Variants in BRWD1 observed in about 807,000 individuals in gnomAD.
The protein encoded by BRWD1 is bromodomain and WD repeat-containing protein 1.
BRWD1 carries 82 observed loss-of-function variants against 251.2 expected under a neutral mutation model. The ratio of observed to expected loss-of-function variants is 0.33; its 90% CI spans 0.27 to 0.39. The LOEUF is 0.39. Ranked by LOEUF, BRWD1 falls within the 10% of genes least tolerant of loss-of-function variation. The probability of loss-of-function intolerance (pLI) is 1.00; values close to 1 mark genes in which losing one functional copy is unlikely to be tolerated. For synonymous variants in BRWD1, 918 were observed against 902.8 expected, an observed-to-expected ratio of 1.02 and a Z score of -0.30; for missense variants, 2,233 against 2,711.6, an observed-to-expected ratio of 0.82 and a Z score of 3.92.
intron 4 of BRWD1, among the ~76,000 whole-genome samples, chr21:39,311,213 G>A (rs2036472365): frequency 1.3e-5 from 2 of 151,894 alleles, no homozygotes; most frequent in Admixed American, 1.3e-4. Flanking sequence ...CATCTCCCAG[G>A]CTGGAATGCA....
intron 19 of BRWD1, among the ~76,000 whole-genome samples, chr21:39,252,743 G>T (rs958206351): frequency 6.6e-6 from 1 of 152,082 alleles, no homozygotes; most frequent in South Asian, 2.1e-4. Flanking sequence ...CAGGTTCTTT[G>T]CTGCTCTAAA....
chr21:39,274,946 A>G (rs992706263), intron 12 of BRWD1, among the ~76,000 whole-genome samples: 2 of 152,180 alleles, frequency 1.3e-5, no homozygotes, highest in African/African-American at 4.8e-5. Flanking sequence ...AGGCTAAGAC[A>G]GGAGAATCGC....
In BRWD1 at chr21:39,195,859, G is replaced by GT. The variant is rs1601232330; in HGVS notation, c.*399dup. 1 of 989,756 alleles carries GT rather than the reference G, an allele frequency of 1.0e-6. No individual in the cohort carries two copies. Among genetic ancestry groups the GT allele is most frequent in the Non-Finnish European group, 1.2e-6 (1 of 832,992 alleles). The allele number at this position is 989,756 out of a possible 1,614,324, so 61.3% of individuals were successfully genotyped here. ...TGTAAACATAGGTTGTGAAATTGTTGTAACTACTATAGAACAGGGGTTAGA... is the reference window on the plus strand; with the variant it reads ...TGTAAACATAGGTTGTGAAATTGTTGTTAACTACTATAGAACAGGGGTTAGA... On this transcript the variant is annotated 3_prime_UTR_variant, in exon 41 of 41. Coordinates refer to ENST00000342449, the MANE Select transcript of BRWD1 (RefSeq NM_033656.4).
intron 13 of BRWD1, 58 bp downstream of exon 13, chr21:39,274,304 CGAGAGAGAGAGA>C (rs56135543): frequency 1.3e-5 from 13 of 992,884 alleles, no homozygotes; most frequent in Non-Finnish European, 1.9e-5. Context: ...ACACAGAGAG[CGAGAGAGAGAGA>C]GAGAGAGAGA....
upstream of BRWD1, chr21:39,313,644 T>C: frequency 2.0e-6 from 1 of 499,622 alleles, no homozygotes; most frequent in Non-Finnish European, 3.1e-6. Context: ...GACCGACGCC[T>C]CCGCGGGGGA....
intron 23 of BRWD1, 89 bp from the exon 24 acceptor site, chr21:39,232,587 C>A (rs2033658204): frequency 2.7e-6 from 4 of 1,460,244 alleles, no homozygotes; most frequent in Non-Finnish European, 3.7e-6. Flanking sequence ...TTTCACCATT[C>A]AGAATGACTA....
intron 27 of BRWD1, among the ~76,000 whole-genome samples, chr21:39,227,578 T>C (rs1373331133): frequency 6.6e-6 from 1 of 152,150 alleles, no homozygotes; most frequent in Non-Finnish European, 1.5e-5. Context: ...ATGTGTAATT[T>C]TACTCGAATG....
intron 26 of BRWD1, 96 bp downstream of exon 26, chr21:39,229,216 T>C: frequency 9.0e-7 from 1 of 1,112,492 alleles, no homozygotes; most frequent in Non-Finnish European, 1.3e-6. Flanking sequence ...CTCTACCAGT[T>C]ACCCTGGAGT....
In BRWD1 at chr21:39,277,280, C is replaced by T. The variant is rs756082064; in HGVS notation, c.1075G>A (p.Glu359Lys). Residue 359 changes from glutamate to lysine, a missense_variant, in exon 11 of 41, where the codon GAA (glutamate) becomes AAA (lysine). This residue lies in a region of BRWD1 where 315 missense variants were observed against 421.8 expected (regional missense o/e 0.75). Coordinates refer to ENST00000342449, the MANE Select transcript of BRWD1 (RefSeq NM_033656.4). ...RMYFLGFEAP[E>K]KIAELESHTD... ...TGGCTTTCAAGTTCTGCGATTTTTT[C>T]GGGTGCTTCAAAACCCAAAAAATAC... 5 of 1,610,642 alleles carry T rather than the reference C, an allele frequency of 3.1e-6. No homozygotes were observed. Among genetic ancestry groups the T allele is most frequent in the South Asian group, 1.1e-5 (1 of 90,458 alleles).
At chr21:39,271,765 T>C (rs1225128003) in intron 13 of BRWD1, among the ~76,000 whole-genome samples, 1 of 147,176 alleles carries the variant, frequency 6.8e-6, no homozygotes, top group African/African-American at 2.5e-5. Flanking sequence ...AGGCTGGGCA[T>C]GGTAGCTCAC....
intron 10 of BRWD1, chr21:39,278,504 C>A: frequency 2.1e-6 from 1 of 466,272 alleles, no homozygotes; most frequent in Non-Finnish European, 3.8e-6. Flanking sequence ...GTGGACACCT[C>A]AAGCCTCCCT....
intron 4 of BRWD1, among the ~76,000 whole-genome samples, chr21:39,312,265 C>T (rs144840512): frequency 1.2e-3 from 190 of 152,336 alleles, no homozygotes; most frequent in African/African-American, 4.2e-3. Flanking sequence ...TCAACTACTG[C>T]GTTCAACAAA....
intron 36 of BRWD1, among the ~76,000 whole-genome samples, chr21:39,207,485 A>ACACACACACACACACACACAC (rs1350272514): frequency 2.2e-4 from 27 of 120,148 alleles, no homozygotes; most frequent in Non-Finnish European, 3.5e-4. Flanking sequence ...CACACACACA[A>ACACACACACACACACACACAC]ACAAAACTCC....
intron 20 of BRWD1, among the ~76,000 whole-genome samples, chr21:39,249,549 C>G (rs1020087461): frequency 2.0e-5 from 3 of 152,048 alleles, no homozygotes; most frequent in Non-Finnish European, 4.4e-5. Context: ...ATGCCATTCC[C>G]CAACCACAAA....
At chr21:39,225,644 A>G (rs1451521275) in intron 27 of BRWD1, among the ~76,000 whole-genome samples, 1 of 152,182 alleles carries the variant, frequency 6.6e-6, no homozygotes, top group East Asian at 1.9e-4. Flanking sequence ...TAAAGCTACA[A>G]TTTATCCCCA....
Position 39,270,330 on chromosome 21 carries a change from G to A in BRWD1, c.1348C>T (p.Leu450Phe). ...CCAGTGTAAGAATTCCACACTTTGA[G>A]GACATGATCATTCACAGCTGTGACA... Reference protein sequence around the residue: ...IVVTAVNDHVLKVWNSYTGQL... With the variant: ...IVVTAVNDHVFKVWNSYTGQL... Residue 450 changes from leucine to phenylalanine, a missense_variant, in exon 14 of 41, where the codon CTC becomes TTC. Leu to Phe is a conservative substitution (Grantham distance 22). Around this residue, in one of 12 missense-constraint regions of BRWD1, gnomAD observed 315 missense variants for 421.8 expected, o/e 0.75. Coordinates refer to ENST00000342449, the MANE Select transcript of BRWD1 (RefSeq NM_033656.4). 1.2e-6 allele frequency: 2 copies of A among 1,611,252 alleles called. No homozygotes were observed. The highest frequency in any genetic ancestry group is 1.7e-6 in the Non-Finnish European group (2 of 1,178,776).
rs1466093561 is a variant in BRWD1 at position 39,270,397 on chromosome 21, A to G, written c.1281T>C (p.Pro427=). The G allele has an allele frequency of 1.9e-6, 3 of 1,611,824 alleles. No homozygotes were observed. The highest frequency in any genetic ancestry group is 2.5e-6 in the Non-Finnish European group (3 of 1,179,074). The change falls in exon 14 of 41, where the codon CCT becomes CCC. Residue 427 remains proline, a synonymous_variant. Coordinates refer to ENST00000342449, the MANE Select transcript of BRWD1 (RefSeq NM_033656.4). ...GATTCCAAGCTATCATTGTTACTTT[A>G]GGTTTCATAAACCTTTCCTCTTCGG... The part of the protein sequence containing the change: ...LSSEEERFMK[P]KVTMIAWNQN...
rs1400951665 is a variant in BRWD1 at position 39,192,001 on chromosome 21, G to A, written c.*4258C>T. ...TTGCCAAAGATAGAGCCTGCAGATTGGTAGAATCCAAATGATGTGACTCTC... is the reference window on the plus strand; with the variant it reads ...TTGCCAAAGATAGAGCCTGCAGATTAGTAGAATCCAAATGATGTGACTCTC... On this transcript the variant is annotated 3_prime_UTR_variant, in exon 41 of 41. Transcript: ENST00000342449. 1.0e-6 allele frequency: 1 copy of A among 984,968 alleles called. No homozygotes were observed. Among genetic ancestry groups the A allele is most frequent in the Non-Finnish European group, 1.2e-6 (1 of 829,720 alleles). 61.0% of individuals were successfully genotyped at this position (984,968 alleles called of 1,614,324 possible).
At chr21:39,246,389 T>C (rs1470789206) in intron 21 of BRWD1, among the ~76,000 whole-genome samples, 2 of 152,200 alleles carry the variant, frequency 1.3e-5, no homozygotes, top group Non-Finnish European at 2.9e-5. Context: ...GTAGAGAAAC[T>C]GGAACTCTCA....
Sources: allele counts gnomAD v4.1 joint callset (sites outside exome capture counted in the v4.1 genomes callset), GRCh38; gene constraint gnomAD v4.1.1; regional missense constraint gnomAD v4.1.1; transcripts MANE v1.5; gene names NCBI Gene and HGNC (gene_info 2026-07-23, HGNC 2026-07-21).